The following IARS2 variants were observed in gnomAD, a reference collection of about 807,000 sequenced individuals.
IARS2 encodes isoleucyl-tRNA synthetase 2, mitochondrial.
IARS2 carries 56 observed loss-of-function variants against 126.3 expected under a neutral mutation model. The ratio of observed to expected loss-of-function variants is 0.44; its 90% CI spans 0.36 to 0.55. IARS2 has a LOEUF of 0.55. Ranked by LOEUF, IARS2 falls within the 20% of genes least tolerant of loss-of-function variation. The pLI is 0.00. For missense variants in IARS2, 1,127 were observed against 1,245.9 expected, an observed-to-expected ratio of 0.90 and a Z score of 1.44; for synonymous variants, 407 against 441.1, an observed-to-expected ratio of 0.92 and a Z score of 0.97.
chr1:220,114,443 C>T lies in IARS2; in HGVS notation c.1609C>T (p.His537Tyr). ...VWGVPIPVFH[H>Y]KTKDEYLINS... is the part of the protein sequence containing the mutation. ...GGGTGTTCCAATTCCTGTGTTTCATCATAAGACCAAGGATGAATACTTGAT... is the reference window on the plus strand; with the variant it reads ...GGGTGTTCCAATTCCTGTGTTTCATTATAAGACCAAGGATGAATACTTGAT... The change falls in exon 12 of 23, where the codon CAT becomes TAT. Residue 537 changes from histidine (H) to tyrosine (Y), a missense_variant. Transcript: ENST00000366922. The T allele has an allele frequency of 6.2e-7, 1 of 1,613,844 alleles. No individual in the cohort carries two copies. Among genetic ancestry groups the T allele is most frequent in the Admixed American group, 1.7e-5 (1 of 59,982 alleles).
At chr1:220,098,353 A>G (rs1291129486) in intron 2 of IARS2, among the ~76,000 whole-genome samples, 1 of 152,168 alleles carries the variant, frequency 6.6e-6, no homozygotes, top group Non-Finnish European at 1.5e-5. Flanking sequence ...AGAATGCATC[A>G]CCAGAATATT....
intron 12 of IARS2, chr1:220,118,367 G>T (rs1172773478): frequency 4.7e-6 from 1 of 214,940 alleles, no homozygotes; most frequent in Non-Finnish European, 9.7e-6. Flanking sequence ...TGGTAGATTT[G>T]AAACGCTGAT....
In IARS2 at chr1:220,147,536, G is replaced by A. The variant is rs1571868052; in HGVS notation, c.2940G>A (p.Met980Ile). The part of the protein sequence containing the change: ...REESSYKVIV[M>I]PTTKEKCPRC... The stretch of plus-strand genomic sequence containing the variant: ...AGTCTTCCTATAAAGTAATTGTCAT[G>A]CCGACTACGAAAGAAAAATGCCCCC... The change falls in exon 23 of 23, where the codon ATG becomes ATA. Residue 980 changes from methionine to isoleucine, a missense_variant. Physicochemically the swap from Met to Ile is conservative, Grantham distance 10 (BLOSUM62 1). Transcript: ENST00000366922. The A allele has an allele frequency of 6.2e-7, 1 of 1,614,060 alleles. No homozygotes were observed. The highest frequency in any genetic ancestry group is 2.2e-5 in the East Asian group (1 of 44,882).
At chr1:220,117,442 C>T (rs978165883) in intron 12 of IARS2, among the ~76,000 whole-genome samples, 7 of 151,914 alleles carry the variant, frequency 4.6e-5, no homozygotes, top group East Asian at 3.9e-4. Context: ...TCAAGTGATC[C>T]GCCCGCCTCA....
chr1:220,137,373 A>G (rs567342523), intron 16 of IARS2, among the ~76,000 whole-genome samples: 2 of 152,368 alleles, frequency 1.3e-5, no homozygotes, highest in South Asian at 4.1e-4. Context: ...TGAAAATTAT[A>G]CACTTTAAAG....
intron 15 of IARS2, among the ~76,000 whole-genome samples, chr1:220,136,022 A>G (rs1349650450): frequency 6.6e-6 from 1 of 152,192 alleles, no homozygotes; most frequent in Non-Finnish European, 1.5e-5. Context: ...TGATAAAATC[A>G]GTACATAGCA....
chr1:220,124,980 G>C (rs545338698), intron 12 of IARS2, among the ~76,000 whole-genome samples: 4 of 152,272 alleles, frequency 2.6e-5, no homozygotes, highest in African/African-American at 9.6e-5. Context: ...TAATTAGAAG[G>C]CTTTGAGTAT....
At chr1:220,097,365 C>CTTT (rs34660784) in intron 2 of IARS2, among the ~76,000 whole-genome samples, 6 of 134,510 alleles carry the variant, frequency 4.5e-5, no homozygotes, top group African/African-American at 5.6e-5. Context: ...GTTCTTTTTT[C>CTTT]TTTTTTTTTT....
chr1:220,137,433 T>G (rs1012634587), intron 16 of IARS2, among the ~76,000 whole-genome samples: 8 of 151,942 alleles, frequency 5.3e-5, no homozygotes, highest in African/African-American at 7.3e-5. Flanking sequence ...TTTGGGGGGG[T>G]TTTTGGAGCT....
chr1:220,130,943 C>G (rs552792791), intron 14 of IARS2, among the ~76,000 whole-genome samples: 53 of 152,232 alleles, frequency 3.5e-4, no homozygotes, highest in African/African-American at 1.3e-3. Context: ...TCCCATTGGT[C>G]TAAGTGTCTG....
intron 12 of IARS2, chr1:220,117,752 T>C: frequency 2.3e-6 from 1 of 428,898 alleles, no homozygotes; most frequent in Non-Finnish European, 4.6e-6. Context: ...TTAGGTATAT[T>C]TATGTTTTAT....
chr1:220,125,699 G>C (rs964365566), intron 13 of IARS2, among the ~76,000 whole-genome samples: 11 of 152,114 alleles, frequency 7.2e-5, no homozygotes, highest in Admixed American at 2.0e-4. Flanking sequence ...CAGCTACTTG[G>C]GAGGTTGAGG....
chr1:220,130,828 C>T (rs1354003012), intron 14 of IARS2, among the ~76,000 whole-genome samples: 1 of 152,120 alleles, frequency 6.6e-6, no homozygotes, highest in East Asian at 1.9e-4. Context: ...TTTCCAGCAC[C>T]ATTTCTTAAA....
chr1:220,112,889 G>A (rs560946201), intron 11 of IARS2, among the ~76,000 whole-genome samples: 38 of 151,780 alleles, frequency 2.5e-4, no homozygotes, highest in Non-Finnish European at 3.8e-4. Flanking sequence ...TTGAGATGGA[G>A]TTTCACTCTT....
At chr1:220,143,872 A>T (rs1035949988) in intron 21 of IARS2, 19 of 652,970 alleles carry the variant, frequency 2.9e-5, no homozygotes, top group South Asian at 1.5e-4. Flanking sequence ...ATTTTTCTCC[A>T]GTCTAAATGC....
intron 14 of IARS2, among the ~76,000 whole-genome samples, chr1:220,131,112 T>C (rs1162446847): frequency 6.6e-6 from 1 of 152,204 alleles, no homozygotes; most frequent in South Asian, 2.1e-4. Context: ...ATTTTCCATA[T>C]GAATTTTTCT....
Position 220,102,206 on chromosome 1 carries a change from A to C in IARS2, c.628A>C (p.Asn210His). The C allele has an allele frequency of 6.2e-7, 1 of 1,612,320 alleles. No individual in the cohort carries two copies. Among genetic ancestry groups the C allele is most frequent in the Non-Finnish European group, 8.5e-7 (1 of 1,179,470 alleles). Reference sequence around the variant, plus strand: ...TTGGGGAATAATGGCAGATTGGAATAATTGCTACTATACATTTGATGGGAA... The same window carrying C: ...TTGGGGAATAATGGCAGATTGGAATCATTGCTACTATACATTTGATGGGAA... The part of the protein sequence containing the change: ...IRWGIMADWN[N>H]CYYTFDGKYE... Residue 210 changes from asparagine (N) to histidine (H), a missense_variant, in exon 4 of 23, where the codon AAT becomes CAT. Transcript: ENST00000366922.
intron 14 of IARS2, among the ~76,000 whole-genome samples, chr1:220,131,126 T>A (rs928409870): frequency 7.9e-5 from 12 of 152,160 alleles, no homozygotes; most frequent in African/African-American, 2.9e-4. Flanking sequence ...TTTTTCTGTT[T>A]CTGTGAAGAA....
rs145687835 is a variant in IARS2 at position 220,097,311 on chromosome 1, C to T, written c.390+1085C>T. ...CACCCCAGACCCCCAGCACATTTCCCAGTAGTTTCAGGCTTACATAATTCC... is the reference window on the plus strand; with the variant it reads ...CACCCCAGACCCCCAGCACATTTCCTAGTAGTTTCAGGCTTACATAATTCC... On this transcript the variant is annotated intron_variant, in intron 2 of 22. Transcript: ENST00000366922. Among the ~76,000 whole-genome samples, 103 of 151,720 alleles carry T rather than the reference C, an allele frequency of 6.8e-4. 1 individual carries two copies. Among genetic ancestry groups the T allele is most frequent in the African/African-American group, 2.4e-3 (100 of 41,242 alleles).
Sources: allele counts gnomAD v4.1 joint callset (sites outside exome capture counted in the v4.1 genomes callset), GRCh38; gene constraint gnomAD v4.1.1; transcripts MANE v1.5; gene names NCBI Gene and HGNC (gene_info 2026-07-23, HGNC 2026-07-21).